The following CPNE4 variants were observed in gnomAD, a reference collection of about 807,000 sequenced individuals.
The protein encoded by CPNE4 is copine 4.
In CPNE4, 25 loss-of-function variants were observed where a neutral mutation model predicts 67.9. That is an observed-to-expected ratio of 0.37 (90% CI 0.27 to 0.51). The LOEUF (loss-of-function observed/expected upper bound fraction) is 0.51. Among genes scored for constraint, CPNE4 ranks in the 20% least tolerant of loss-of-function variants. The probability of loss-of-function intolerance (pLI) is 0.93; values close to 1 mark genes in which losing one functional copy is unlikely to be tolerated. For synonymous variants in CPNE4, 242 were observed against 244.9 expected, an observed-to-expected ratio of 0.99 and a Z score of 0.11; for missense variants, 464 against 690.8, an observed-to-expected ratio of 0.67 and a Z score of 3.68.
chr3:131,927,931 G>C (rs2107823574), intron 1 of CPNE4, among the ~76,000 whole-genome samples: 1 of 152,276 alleles, frequency 6.6e-6, no homozygotes, highest in East Asian at 1.9e-4. Context: ...GTCATTAACT[G>C]TATATATGAA....
At chr3:131,772,191 G>T (rs2083184156) in intron 2 of CPNE4, among the ~76,000 whole-genome samples, 1 of 152,086 alleles carries the variant, frequency 6.6e-6, no homozygotes, top group Non-Finnish European at 1.5e-5. Context: ...GTGCCACTGA[G>T]AGGAAGGAAT....
chr3:131,592,094 C>T (rs1025077077), intron 7 of CPNE4, among the ~76,000 whole-genome samples: 1 of 152,212 alleles, frequency 6.6e-6, no homozygotes, highest in Admixed American at 6.5e-5. Flanking sequence ...TAAGTGACTT[C>T]TGCCAGTTCA....
At position 131,872,226 on chromosome 3, in the gene CPNE4, G is replaced by A. The variant is rs76732073; in HGVS notation, c.180+33038C>T. Among the ~76,000 whole-genome samples, 208 of 151,866 alleles carry A rather than the reference G, an allele frequency of 1.4e-3. 1 individual carries two copies. Among genetic ancestry groups the A allele is most frequent in the African/African-American group, 4.9e-3 (202 of 41,418 alleles). On this transcript the variant is annotated intron_variant, in intron 2 of 15. Coordinates refer to ENST00000429747, the MANE Select transcript of CPNE4 (RefSeq NM_130808.3). ...GAGAGAGAGAAACAGAGAGAAAGAAGGAGAGAGAGAGAGATTTATTATAAG... is the reference window on the plus strand; with the variant it reads ...GAGAGAGAGAAACAGAGAGAAAGAAAGAGAGAGAGAGAGATTTATTATAAG...
Position 132,033,545 on chromosome 3 carries a change from C to T in CPNE4, c.-2+1022G>A, listed in dbSNP as rs114615978. On this transcript the variant is annotated intron_variant, in intron 1 of 15. Transcript: ENST00000429747. ...CCCCCCTCCACTTCCCAACCACCCA[C>T]ATCAAGCCCTTCATAGATTTGCGCC... 1.9e-3 allele frequency among the ~76,000 whole-genome samples: 284 copies of T among 152,288 alleles called. 2 individuals carry two copies. Among genetic ancestry groups the T allele is most frequent in the African/African-American group, 6.6e-3 (274 of 41,562 alleles).
chr3:131,682,019 T>G (rs1189637166), intron 6 of CPNE4, among the ~76,000 whole-genome samples: 3 of 152,086 alleles, frequency 2.0e-5, no homozygotes, highest in Non-Finnish European at 4.4e-5. Flanking sequence ...TTTGATAGGC[T>G]TCTGAATTCC....
chr3:131,738,181 G>A (rs2082282587), intron 2 of CPNE4, among the ~76,000 whole-genome samples: 1 of 152,228 alleles, frequency 6.6e-6, no homozygotes, highest in African/African-American at 2.4e-5. Context: ...CCTTGTGGTG[G>A]AGACATTCCT....
intron 2 of CPNE4, among the ~76,000 whole-genome samples, chr3:131,772,350 TAC>T (rs1347571827): frequency 1.3e-5 from 2 of 152,166 alleles, no homozygotes; most frequent in African/African-American, 4.8e-5. Context: ...AGTAAGGAAC[TAC>T]AGAGTGAGAT....
At chr3:131,570,305 C>CTTTT (rs1476442620) in intron 10 of CPNE4, among the ~76,000 whole-genome samples, 5 of 148,962 alleles carry the variant, frequency 3.4e-5, no homozygotes, top group African/African-American at 5.0e-5. Flanking sequence ...ACCATTTTCT[C>CTTTT]TTTTTATTTA....
intron 7 of CPNE4, among the ~76,000 whole-genome samples, chr3:131,660,264 T>C (rs185987161): frequency 2.0e-5 from 3 of 152,304 alleles, no homozygotes; most frequent in East Asian, 1.9e-4. Flanking sequence ...TATTTTGACA[T>C]TGAAGCACCT....
intron 11 of CPNE4, among the ~76,000 whole-genome samples, chr3:131,558,674 A>AGAT (rs1290026689): frequency 1.3e-5 from 2 of 152,022 alleles, no homozygotes; most frequent in Non-Finnish European, 2.9e-5. Context: ...GAAGATTTTG[A>AGAT]GATAAATCAA....
chr3:131,659,119 T>C (rs116146809), intron 7 of CPNE4, among the ~76,000 whole-genome samples: 1,818 of 152,180 alleles, frequency 0.012, 41 homozygotes, highest in African/African-American at 0.041. Context: ...AACTATAGAG[T>C]ATCTCATATT....
intron 1 of CPNE4, among the ~76,000 whole-genome samples, chr3:131,993,526 T>A (rs1390830039): frequency 8.0e-6 from 1 of 125,218 alleles, no homozygotes; most frequent in Non-Finnish European, 1.7e-5. Context: ...ACATTCACTT[T>A]CATGACTTTG....
In CPNE4 at chr3:131,542,749, G is replaced by A; in HGVS notation, c.1347C>T (p.Asp449=). ...LLILTDGVIT[D]MADTREAIVH... ...CAATGGCCTCCCGGGTGTCGGCCAT[G>A]TCTGTGATAACACCATCTGTCAGGA... is the stretch of plus-strand genomic sequence containing the variant. Residue 449 remains aspartate (D), a synonymous_variant, in exon 15 of 16, where the codon GAC becomes GAT. Coordinates refer to ENST00000429747, the MANE Select transcript of CPNE4 (RefSeq NM_130808.3). 1 of 1,613,998 alleles carries A rather than the reference G, an allele frequency of 6.2e-7. No homozygotes were observed. Among genetic ancestry groups the A allele is most frequent in the Non-Finnish European group, 8.5e-7 (1 of 1,179,928 alleles).
At chr3:132,009,011 T>C (rs2073679178) in intron 1 of CPNE4, among the ~76,000 whole-genome samples, 1 of 152,186 alleles carries the variant, frequency 6.6e-6, no homozygotes, top group Non-Finnish European at 1.5e-5. Flanking sequence ...CTCTCAAAGT[T>C]GATGGGCCCT....
In CPNE4 at chr3:131,542,442, C is replaced by T. The variant is rs953528082; in HGVS notation, c.1539+115G>A. 6.4e-6 allele frequency: 5 copies of T among 775,732 alleles called. No homozygotes were observed. The African/African-American group carries it at 8.4e-5, about 13-fold the overall frequency. 48.1% of individuals were successfully genotyped at this position (775,732 alleles called of 1,614,324 possible). Reference sequence around the variant, plus strand: ...CACAGCAAGGGTATGTAGAGCATAGCTGGTGTTGCTTCAAGAATGGTGGAT... The same window carrying T: ...CACAGCAAGGGTATGTAGAGCATAGTTGGTGTTGCTTCAAGAATGGTGGAT... On this transcript the variant is annotated intron_variant, in intron 15 of 15. Transcript: ENST00000429747.
At chr3:131,546,882 T>C (rs908171972) in intron 14 of CPNE4, among the ~76,000 whole-genome samples, 1 of 152,210 alleles carries the variant, frequency 6.6e-6, no homozygotes, top group African/African-American at 2.4e-5. Context: ...TTTCTGACTC[T>C]ACTCCTTAGA....
At chr3:131,652,254 G>T (rs1251759628) in intron 7 of CPNE4, among the ~76,000 whole-genome samples, 1 of 152,164 alleles carries the variant, frequency 6.6e-6, no homozygotes, top group African/African-American at 2.4e-5. Context: ...AAGGACAGCA[G>T]CCTTCTCTAT....
At chr3:131,900,979 T>A (rs555972218) in intron 2 of CPNE4, among the ~76,000 whole-genome samples, 1 of 151,860 alleles carries the variant, frequency 6.6e-6, no homozygotes, top group East Asian at 1.9e-4. Flanking sequence ...AATGAAAAAA[T>A]TGAATTAATG....
At chr3:131,824,089 T>C (rs1482223740) in intron 2 of CPNE4, among the ~76,000 whole-genome samples, 2 of 152,192 alleles carry the variant, frequency 1.3e-5, no homozygotes, top group African/African-American at 4.8e-5. Context: ...ACAGAAAATC[T>C]AAAAGCTAAT....
Sources: gnomAD v4.1 joint callset for allele counts (sites outside exome capture counted in the v4.1 genomes callset) on GRCh38, gnomAD v4.1.1 for gene constraint, MANE v1.5 for transcripts, NCBI Gene and HGNC (gene_info 2026-07-23, HGNC 2026-07-21) for gene names.